The following APOBEC3H variants were observed in gnomAD, a reference collection of about 807,000 sequenced individuals.
The protein encoded by APOBEC3H is DNA dC->dU-editing enzyme APOBEC-3H.
Under a neutral mutation model 21.2 loss-of-function variants are expected in APOBEC3H, and 8 were observed. The ratio of observed to expected loss-of-function variants is 0.38; its 90% CI spans 0.22 to 0.68. The LOEUF is 0.68. Ranked by LOEUF, APOBEC3H falls within the 30% of genes least tolerant of loss-of-function variation. The pLI is 0.52. For missense variants in APOBEC3H, 229 were observed against 228.1 expected (o/e 1.00, Z -0.03); for synonymous variants, 88 against 91.0 (o/e 0.97, Z 0.19).
chr22:39,103,841 C>T lies in APOBEC3H; in HGVS notation c.*144C>T. On this transcript the variant is annotated 3_prime_UTR_variant, in exon 5 of 5. Coordinates refer to ENST00000442487, the MANE Select transcript of APOBEC3H (RefSeq NM_181773.5). ...GCTGGTCCTGTAAGCAAGCACTAAG[C>T]TCCACAGTGCCAGTTCCTTGCCCCA... 1 of 1,039,562 alleles carries T rather than the reference C, an allele frequency of 9.6e-7. No homozygotes were observed. The highest frequency in any genetic ancestry group is 2.4e-5 in the East Asian group (1 of 42,366). 64.4% of individuals were successfully genotyped at this position (1,039,562 alleles called of 1,614,324 possible). A position where few individuals can be genotyped will look rare whatever the true frequency, so the allele number is the denominator to read the frequency against.
At chr22:39,101,823 G>T (rs1485421846) in intron 3 of APOBEC3H, 95 bp from the exon 4 acceptor site, 5 of 1,582,184 alleles carry the variant, frequency 3.2e-6, no homozygotes, top group Non-Finnish European at 4.3e-6. Context: ...GCAATGTCCA[G>T]GGAGAGGAAG....
At chr22:39,103,578 C>T (rs1479004100) in intron 4 of APOBEC3H, 111 bp from the exon 5 acceptor site, 1 of 1,180,806 alleles carries the variant, frequency 8.5e-7, no homozygotes, top group Non-Finnish European at 1.3e-6. Flanking sequence ...CTGGGCCCTT[C>T]TGGTGCCAGT....
intron 2 of APOBEC3H, 111 bp downstream of exon 2, chr22:39,100,539 C>T: frequency 7.1e-7 from 1 of 1,411,198 alleles, no homozygotes; most frequent in Non-Finnish European, 9.5e-7. Context: ...TGATGTAACA[C>T]CCTCTGTGTT....
rs1929367377 is a variant in APOBEC3H at position 39,101,768 on chromosome 22, GC to G, written c.419-147del. 27 of 1,263,962 alleles carry G rather than the reference GC, an allele frequency of 2.1e-5. No homozygotes were observed. The South Asian group carries it at 3.6e-4, about 17-fold the overall frequency. 78.3% of individuals were successfully genotyped at this position (1,263,962 alleles called of 1,614,324 possible). On this transcript the variant is annotated intron_variant, in intron 3 of 4. Transcript: ENST00000442487. ...AAGGAAGGATTGTGGCTCAGTCAAG[GC>G]CCAAGATCTGACACCACCCGGGAGG... is the stretch of plus-strand genomic sequence containing the variant.
intron 1 of APOBEC3H, among the ~76,000 whole-genome samples, chr22:39,099,801 G>C (rs766167218): frequency 3.3e-5 from 5 of 152,068 alleles, no homozygotes; most frequent in African/African-American, 4.8e-5. Flanking sequence ...TCCTTCCCCT[G>C]CTCCACTGCA....
In APOBEC3H at chr22:39,100,583, T is replaced by C. The variant is rs565503258; in HGVS notation, c.150+155T>C. 1,131 of 1,081,952 alleles carry C rather than the reference T, an allele frequency of 1.0e-3. 1 individual carries two copies. Among genetic ancestry groups the C allele is most frequent in the Non-Finnish European group, 1.3e-3 (1,010 of 777,830 alleles). The allele number at this position is 1,081,952 out of a possible 1,614,324, so 67.0% of individuals were successfully genotyped here. A position where few individuals can be genotyped will look rare whatever the true frequency, so the allele number is the denominator to read the frequency against. On this transcript the variant is annotated intron_variant, in intron 2 of 4. Coordinates refer to ENST00000442487, the MANE Select transcript of APOBEC3H (RefSeq NM_181773.5). ...CCTTGGTGCCTGCCTGGGTTTTGGC[T>C]TAGCTGGATCTGAGTGGCCCAGTTT...
intron 4 of APOBEC3H, 61 bp downstream of exon 4, chr22:39,102,103 C>T (rs1170803013): frequency 6.3e-7 from 1 of 1,586,848 alleles, no homozygotes. Context: ...GCCCCATACC[C>T]AGTCACACCT....
intron 1 of APOBEC3H, among the ~76,000 whole-genome samples, chr22:39,100,064 T>C (rs937216265): frequency 1.3e-5 from 2 of 152,120 alleles, no homozygotes; most frequent in African/African-American, 2.4e-5. Flanking sequence ...TCCCAGCTAC[T>C]TGGGAGGCTG....
intron 1 of APOBEC3H, among the ~76,000 whole-genome samples, chr22:39,097,944 C>T (rs574451818): frequency 9.9e-5 from 15 of 152,238 alleles, no homozygotes; most frequent in South Asian, 4.1e-4. Context: ...ACGGAATATA[C>T]GGAAAAACTC....
At chr22:39,103,545 C>T in intron 4 of APOBEC3H, 144 bp from the exon 5 acceptor site, 2 of 800,210 alleles carry the variant, frequency 2.5e-6, no homozygotes, top group South Asian at 1.4e-5. Context: ...CTCTTGTCAC[C>T]TCCGTGTTTT....
chr22:39,101,163 C>A, intron 2 of APOBEC3H, 74 bp from the exon 3 acceptor site: 1 of 564,206 alleles, frequency 1.8e-6, no homozygotes, highest in Non-Finnish European at 2.7e-6. Flanking sequence ...CCCGTCCCGG[C>A]CCCCGCCCCC....
intron 1 of APOBEC3H, among the ~76,000 whole-genome samples, chr22:39,099,643 C>A (rs1034342753): frequency 6.6e-6 from 1 of 152,184 alleles, no homozygotes; most frequent in Admixed American, 6.5e-5. Flanking sequence ...CCCACCCAAC[C>A]CAGGAAGAAT....
intron 4 of APOBEC3H, among the ~76,000 whole-genome samples, chr22:39,102,314 A>C (rs1929413809): frequency 6.6e-6 from 1 of 151,392 alleles, no homozygotes; most frequent in African/African-American, 2.4e-5. Context: ...ATGCCCAGCT[A>C]ATTTTTGCAT....
chr22:39,101,398 G>A lies in APOBEC3H; in HGVS notation c.312G>A (p.Leu104=), dbSNP rs753025965. The part of the protein sequence containing the change: ...DFIKAHDHLN[L]GIFASRLYYH... ...TCAAGGCTCACGACCATCTGAACCT[G>A]GGCATCTTCGCCTCCCGCCTGTACT... Residue 104 remains leucine, a synonymous_variant, in exon 3 of 5, where the codon CTG becomes CTA. Transcript: ENST00000442487. The A allele has an allele frequency of 6.2e-7, 1 of 1,612,178 alleles. No individual in the cohort carries two copies. The highest frequency in any genetic ancestry group is 1.7e-5 in the Admixed American group (1 of 59,742).
At chr22:39,100,518 T>A in intron 2 of APOBEC3H, 90 bp downstream of exon 2, 2 of 1,505,406 alleles carry the variant, frequency 1.3e-6, no homozygotes, top group Non-Finnish European at 1.8e-6. Context: ...GCCTATAAAT[T>A]TCTCAATTTT....
intron 1 of APOBEC3H, among the ~76,000 whole-genome samples, chr22:39,098,828 T>C (rs1929141595): frequency 6.6e-6 from 1 of 152,082 alleles, no homozygotes; most frequent in Admixed American, 6.5e-5. Context: ...AGAAAGTAGA[T>C]GGGCAACCAT....
At chr22:39,097,562 C>T (rs989530772) in intron 1 of APOBEC3H, among the ~76,000 whole-genome samples, 1 of 152,194 alleles carries the variant, frequency 6.6e-6, no homozygotes, top group African/African-American at 2.4e-5. Context: ...CCTGCACCAG[C>T]CCAAGACCCC....
intron 4 of APOBEC3H, among the ~76,000 whole-genome samples, chr22:39,102,244 G>A (rs1053423969): frequency 1.3e-5 from 2 of 152,018 alleles, no homozygotes; most frequent in African/African-American, 4.8e-5. Context: ...TGCCTCCCGG[G>A]TTCAAGTGAT....
In APOBEC3H at chr22:39,101,407, C is replaced by A. The variant is rs112605061; in HGVS notation, c.321C>A (p.Phe107Leu). Residue 107 changes from phenylalanine (F) to leucine (L), a missense_variant, in exon 3 of 5, where the codon TTC becomes TTA. By Grantham distance (22) the Phe-to-Leu change is conservative. Transcript: ENST00000442487. ...KAHDHLNLGIFASRLYYHWCK... is the reference protein window; with the variant it reads ...KAHDHLNLGILASRLYYHWCK... ...ACGACCATCTGAACCTGGGCATCTTCGCCTCCCGCCTGTACTACCACTGGT... is the reference window on the plus strand; with the variant it reads ...ACGACCATCTGAACCTGGGCATCTTAGCCTCCCGCCTGTACTACCACTGGT... The A allele has an allele frequency of 2.1e-5, 34 of 1,611,654 alleles. 1 individual carries two copies. In the East Asian group the frequency reaches 7.4e-4, roughly 35 times the overall value.
Sources: gnomAD v4.1 joint callset for allele counts (sites outside exome capture counted in the v4.1 genomes callset) on GRCh38, gnomAD v4.1.1 for gene constraint, MANE v1.5 for transcripts, NCBI Gene and HGNC (gene_info 2026-07-23, HGNC 2026-07-21) for gene names.